The following VASH1 variants were observed in gnomAD, a reference collection of about 807,000 sequenced individuals.
VASH1 encodes the protein vasohibin 1.
Under a neutral mutation model 35.0 loss-of-function variants are expected in VASH1, and 16 were observed. The observed-to-expected ratio is 0.46, with a 90% CI of 0.31 to 0.70. VASH1 has a LOEUF of 0.70. VASH1 is among the 30% of genes least tolerant of loss of function. The probability of loss-of-function intolerance (pLI) is 0.05; values close to 1 mark genes in which losing one functional copy is unlikely to be tolerated. For missense variants in VASH1, 505 were observed against 510.7 expected (o/e 0.99, Z 0.11); for synonymous variants, 214 against 200.9 (o/e 1.07, Z -0.55).
intron 5 of VASH1, 134 bp downstream of exon 5, chr14:76,776,407 T>A: frequency 7.9e-7 from 1 of 1,263,030 alleles, no homozygotes; most frequent in Non-Finnish European, 1.1e-6. Context: ...GTGGTCGATA[T>A]TGTTCAGGTG....
Position 76,764,776 on chromosome 14 carries a change from C to T in VASH1, c.309+1646C>T, listed in dbSNP as rs544923978. The stretch of plus-strand genomic sequence containing the variant: ...TCTTGGCTCACTGCAGCCTCCACCT[C>T]CCTGGTTCAAGTGATTCTCCTGCCT... On this transcript the variant is annotated intron_variant, in intron 1 of 6. Coordinates refer to ENST00000167106, the MANE Select transcript of VASH1 (RefSeq NM_014909.5). 5.9e-5 allele frequency among the ~76,000 whole-genome samples: 9 copies of T among 151,724 alleles called. No individual in the cohort carries two copies. In the South Asian group the frequency reaches 1.9e-3, roughly 32 times the overall value.
Position 76,762,844 on chromosome 14 carries a change from C to A in VASH1, c.23C>A (p.Ala8Asp). The A allele has an allele frequency of 6.6e-7, 1 of 1,504,182 alleles. No homozygotes were observed. Among genetic ancestry groups the A allele is most frequent in the Admixed American group, 2.3e-5 (1 of 44,050 alleles). The allele number at this position is 1,504,182 out of a possible 1,614,324, so 93.2% of individuals were successfully genotyped here. A position where few individuals can be genotyped will look rare whatever the true frequency, so the allele number is the denominator to read the frequency against. The change falls in exon 1 of 7, where the codon GCT (alanine) becomes GAT (aspartate). Residue 8 changes from alanine (A) to aspartate (D), a missense_variant. Ala to Asp is a moderately radical substitution (Grantham distance 126). Coordinates refer to ENST00000167106, the MANE Select transcript of VASH1 (RefSeq NM_014909.5). MPGGKKV[A>D]GGGSSGATPT... ...GGGATGCCAGGGGGGAAGAAGGTGG[C>A]TGGGGGTGGCAGCAGCGGTGCCACT...
intron 1 of VASH1, among the ~76,000 whole-genome samples, chr14:76,766,774 G>A (rs1893653459): frequency 6.6e-6 from 1 of 152,128 alleles, no homozygotes; most frequent in Admixed American, 6.5e-5. Flanking sequence ...AACGTTGCTG[G>A]GATTAGCATG....
At chr14:76,769,520 A>G (rs1735825296) in intron 1 of VASH1, 33 of 1,282,176 alleles carry the variant, frequency 2.6e-5, no homozygotes, top group Non-Finnish European at 3.3e-5. Flanking sequence ...CCACTCCCAA[A>G]GCCTAGGGCA....
intron 1 of VASH1, among the ~76,000 whole-genome samples, chr14:76,766,400 T>C (rs1893642753): frequency 6.6e-6 from 1 of 151,820 alleles, no homozygotes; most frequent in Admixed American, 6.6e-5. Flanking sequence ...AATGGGAATT[T>C]GGACATCTCC....
intron 1 of VASH1, among the ~76,000 whole-genome samples, chr14:76,765,980 T>A (rs890949511): frequency 6.6e-6 from 1 of 152,194 alleles, no homozygotes; most frequent in African/African-American, 2.4e-5. Flanking sequence ...TAACTACTTA[T>A]ATGAGGAAGA....
rs544666956 is a variant in VASH1 at position 76,781,614 on chromosome 14, A to G, written c.*2596A>G. 6.6e-6 allele frequency: 1 copy of G among 152,300 alleles called. No homozygotes were observed. Among genetic ancestry groups the G allele is most frequent in the East Asian group, 1.9e-4 (1 of 5,188 alleles). 9.4% of individuals were successfully genotyped at this position (152,300 alleles called of 1,614,324 possible). A position where few individuals can be genotyped will look rare whatever the true frequency, so the allele number is the denominator to read the frequency against. On this transcript the variant is annotated 3_prime_UTR_variant, in exon 7 of 7. Coordinates refer to ENST00000167106, the MANE Select transcript of VASH1 (RefSeq NM_014909.5). ...GAGCCCTCCATGGAGAAAACAGCAA[A>G]ATGAAGCCCTTACCTGCTTGCTGTC...
chr14:76,770,947 C>T (rs1023374238), intron 2 of VASH1, among the ~76,000 whole-genome samples: 2 of 152,242 alleles, frequency 1.3e-5, no homozygotes, highest in South Asian at 2.1e-4. Flanking sequence ...TTCTGGCCCT[C>T]GCCGAACTGG....
rs1190491411 is a variant in VASH1 at position 76,782,107 on chromosome 14, A to G, written c.*3089A>G. 6.6e-6 allele frequency: 1 copy of G among 152,246 alleles called. No individual in the cohort carries two copies. Among genetic ancestry groups the G allele is most frequent in the East Asian group, 1.9e-4 (1 of 5,186 alleles). 9.4% of individuals were successfully genotyped at this position (152,246 alleles called of 1,614,324 possible). A position where few individuals can be genotyped will look rare whatever the true frequency, so the allele number is the denominator to read the frequency against. ...AAGTCTCCCCAAAGCCTGGCTCCTCATGCTCAGTGCCAGGGGCAGAACACT... is the reference window on the plus strand; with the variant it reads ...AAGTCTCCCCAAAGCCTGGCTCCTCGTGCTCAGTGCCAGGGGCAGAACACT... On this transcript the variant is annotated 3_prime_UTR_variant, in exon 7 of 7. Transcript: ENST00000167106.
Position 76,762,850 on chromosome 14 carries a change from G to A in VASH1, c.29G>A (p.Gly10Asp), listed in dbSNP as rs762725525. 1.3e-6 allele frequency: 2 copies of A among 1,509,194 alleles called. No individual in the cohort carries two copies. Among genetic ancestry groups the A allele is most frequent in the East Asian group, 4.8e-5 (2 of 41,760 alleles). The allele number at this position is 1,509,194 out of a possible 1,614,324, so 93.5% of individuals were successfully genotyped here. MPGGKKVAG[G>D]GSSGATPTSA... ...CCAGGGGGGAAGAAGGTGGCTGGGGGTGGCAGCAGCGGTGCCACTCCAACG... is the reference window on the plus strand; with the variant it reads ...CCAGGGGGGAAGAAGGTGGCTGGGGATGGCAGCAGCGGTGCCACTCCAACG... The change falls in exon 1 of 7, where the codon GGT becomes GAT. Residue 10 changes from glycine (G) to aspartate (D), a missense_variant. Coordinates refer to ENST00000167106, the MANE Select transcript of VASH1 (RefSeq NM_014909.5).
At chr14:76,769,251 G>A (rs977382221) in intron 1 of VASH1, 9 of 1,266,766 alleles carry the variant, frequency 7.1e-6, no homozygotes, top group Non-Finnish European at 8.2e-6. Flanking sequence ...TTCTGGGGAG[G>A]AAGACTGTCT....
chr14:76,765,477 T>C (rs1050758119), intron 1 of VASH1, among the ~76,000 whole-genome samples: 3 of 152,150 alleles, frequency 2.0e-5, no homozygotes, highest in Admixed American at 2.0e-4. Context: ...CCTTAGAGTC[T>C]GGGAGTGCAG....
At chr14:76,770,915 G>A (rs961161951) in intron 2 of VASH1, among the ~76,000 whole-genome samples, 3 of 152,224 alleles carry the variant, frequency 2.0e-5, no homozygotes, top group African/African-American at 7.2e-5. Context: ...GCTGTAGGGC[G>A]CTGTTCCCAG....
At position 76,778,952 on chromosome 14, in the gene VASH1, G is replaced by C; in HGVS notation, c.1032G>C (p.Ser344=). Residue 344 remains serine, a synonymous_variant, in exon 7 of 7, where the codon TCG becomes TCC. Transcript: ENST00000167106. The part of the protein sequence containing the change: ...RRNSRSERRP[S]GDKKTSEPKA... ...TGCTCTCTTCCTCCCACAGGCCCTC[G>C]GGTGACAAGAAGACTTCCGAGCCCA... is the stretch of plus-strand genomic sequence containing the variant. 6.2e-7 allele frequency: 1 copy of C among 1,614,110 alleles called. No homozygotes were observed. Among genetic ancestry groups the C allele is most frequent in the African/African-American group, 1.3e-5 (1 of 75,052 alleles).
In VASH1 at chr14:76,780,496, G is replaced by A. The variant is rs1360100125; in HGVS notation, c.*1478G>A. 1 of 152,430 alleles carries A rather than the reference G, an allele frequency of 6.6e-6. No individual in the cohort carries two copies. Among genetic ancestry groups the A allele is most frequent in the Non-Finnish European group, 1.5e-5 (1 of 68,200 alleles). The allele number at this position is 152,430 out of a possible 1,614,324, so 9.4% of individuals were successfully genotyped here. On this transcript the variant is annotated 3_prime_UTR_variant, in exon 7 of 7. Transcript: ENST00000167106. ...ACAGCTGTCAGTAAGGCTGCAGAAG[G>A]GCTGGGGGGCTACACAAGGAAGAGC...
In VASH1 at chr14:76,776,071, GCGAGCT is replaced by G. The variant is rs1413080608; in HGVS notation, c.713_718del (p.Glu238_Leu239del). 1.2e-6 allele frequency: 2 copies of G among 1,609,342 alleles called. No individual in the cohort carries two copies. The highest frequency in any genetic ancestry group is 1.7e-6 in the Non-Finnish European group (2 of 1,179,448). On this transcript the variant is annotated inframe_deletion, in exon 5 of 7. Coordinates refer to ENST00000167106, the MANE Select transcript of VASH1 (RefSeq NM_014909.5). The stretch of plus-strand genomic sequence containing the variant: ...AAGCCGCCCGCCTTCCGCACGCTCA[GCGAGCT>G]CGTGCTGGACTTCGAGGCCGCCTAC...
chr14:76,771,573 T>A lies in VASH1; in HGVS notation c.455+327T>A, dbSNP rs368958724. The stretch of plus-strand genomic sequence containing the variant: ...TGTAGGTGAGCCTCAGATCTTTTGT[T>A]TTTTAGTGAGAGGTGGACCTTGCAG... On this transcript the variant is annotated intron_variant, in intron 3 of 6. Coordinates refer to ENST00000167106, the MANE Select transcript of VASH1 (RefSeq NM_014909.5). 8.5e-5 allele frequency among the ~76,000 whole-genome samples: 13 copies of A among 152,278 alleles called. No individual in the cohort carries two copies. The East Asian group carries it at 2.1e-3, about 25-fold the overall frequency.
intron 1 of VASH1, among the ~76,000 whole-genome samples, chr14:76,767,087 A>G (rs1032826791): frequency 2.0e-5 from 3 of 151,910 alleles, no homozygotes; most frequent in African/African-American, 7.3e-5. Context: ...TCTACTAAAA[A>G]TACAAAAATT....
chr14:76,762,197 C>G lies in VASH1; in HGVS notation c.-625C>G, dbSNP rs1405642590. 1 of 152,238 alleles carries G rather than the reference C, an allele frequency of 6.6e-6. No homozygotes were observed. The highest frequency in any genetic ancestry group is 1.5e-5 in the Non-Finnish European group (1 of 68,062). 9.4% of individuals were successfully genotyped at this position (152,238 alleles called of 1,614,324 possible). A position where few individuals can be genotyped will look rare whatever the true frequency, so the allele number is the denominator to read the frequency against. ...GCGCGCGCCCCCTCCCCGCTCCCGG[C>G]CAGCTGCGAGTCTTGGCTCCCGGAC... On this transcript the variant is annotated 5_prime_UTR_variant, in exon 1 of 7. Transcript: ENST00000167106.
Sources: gnomAD v4.1 joint callset for allele counts (sites outside exome capture counted in the v4.1 genomes callset) on GRCh38, gnomAD v4.1.1 for gene constraint, MANE v1.5 for transcripts, NCBI Gene and HGNC (gene_info 2026-07-23, HGNC 2026-07-21) for gene names.